The following PLPPR5 variants were observed in gnomAD, a reference collection of about 807,000 sequenced individuals.
PLPPR5 encodes phospholipid phosphatase related 5.
PLPPR5 carries 16 observed loss-of-function variants against 33.9 expected under a neutral mutation model. The ratio of observed to expected loss-of-function variants is 0.47; its 90% CI spans 0.32 to 0.72. PLPPR5 has a LOEUF of 0.72. PLPPR5 is among the 30% of genes least tolerant of loss of function. PLPPR5 has a pLI of 0.03. For synonymous variants in PLPPR5, 163 were observed against 150.3 expected (o/e 1.08, Z -0.62); for missense variants, 301 against 406.7 (o/e 0.74, Z 2.23).
At chr1:98,961,584 A>G (rs923997324) in intron 1 of PLPPR5, among the ~76,000 whole-genome samples, 3 of 152,222 alleles carry the variant, frequency 2.0e-5, no homozygotes, top group African/African-American at 7.2e-5. Context: ...AATTGTATGC[A>G]GTTTATATTT....
chr1:98,920,759 T>A (rs1453449260), intron 4 of PLPPR5, among the ~76,000 whole-genome samples: 32 of 152,094 alleles, frequency 2.1e-4, no homozygotes. Context: ...TATTAACTAG[T>A]AAAATGAGGC....
At chr1:98,929,061 G>T (rs1308382611) in intron 3 of PLPPR5, among the ~76,000 whole-genome samples, 1 of 152,086 alleles carries the variant, frequency 6.6e-6, no homozygotes, top group Non-Finnish European at 1.5e-5. Flanking sequence ...AAGCTTTGAG[G>T]AAAAGTTCAG....
intron 1 of PLPPR5, among the ~76,000 whole-genome samples, chr1:98,968,702 C>T (rs1651540092): frequency 1.3e-5 from 2 of 151,826 alleles, no homozygotes; most frequent in Admixed American, 1.3e-4. Context: ...ATATATAAAT[C>T]TACTATGTAC....
chr1:98,921,919 G>A lies in PLPPR5; in HGVS notation c.761C>T (p.Ala254Val), dbSNP rs1451615292. 1 of 1,613,532 alleles carries A rather than the reference G, an allele frequency of 6.2e-7. No individual in the cohort carries two copies. Among genetic ancestry groups the A allele is most frequent in the Non-Finnish European group, 8.5e-7 (1 of 1,179,870 alleles). Residue 254 changes from alanine (A) to valine (V), a missense_variant, in exon 4 of 6, where the codon GCA becomes GTA. Transcript: ENST00000263177. ...EYRNHWSDVI[A>V]GFLVGISIAV... is the part of the protein sequence containing the mutation. The stretch of plus-strand genomic sequence containing the variant: ...TATAGATATTCCAACCAGAAAGCCT[G>A]CTATAACATCTGACCAATGATTTCG...
intron 3 of PLPPR5, among the ~76,000 whole-genome samples, chr1:98,935,500 C>T (rs558156769): frequency 2.0e-5 from 3 of 152,180 alleles, no homozygotes; most frequent in Non-Finnish European, 4.4e-5. Flanking sequence ...ATGATATCAA[C>T]ACCATAGAGC....
In PLPPR5 at chr1:98,893,068, G is replaced by T. The variant is rs377149949; in HGVS notation, c.*4C>A. On this transcript the variant is annotated 3_prime_UTR_variant, in exon 6 of 6. Transcript: ENST00000263177. ...AATGCAGTGAAAAACCATCTGCTTC[G>T]ATATCATGTGACTTCTGCGAAGGCA... is the stretch of plus-strand genomic sequence containing the variant. The T allele has an allele frequency of 6.2e-7, 1 of 1,610,718 alleles. No homozygotes were observed. The highest frequency in any genetic ancestry group is 1.3e-5 in the African/African-American group (1 of 74,684).
intron 1 of PLPPR5, chr1:98,991,138 A>T (rs2100760646): frequency 6.6e-6 from 1 of 152,286 alleles, no homozygotes; most frequent in South Asian, 2.1e-4. Context: ...AAACCCAATT[A>T]GATGAAGTTT....
chr1:98,947,569 T>G (rs540157417), intron 3 of PLPPR5, among the ~76,000 whole-genome samples: 10 of 152,302 alleles, frequency 6.6e-5, no homozygotes, highest in African/African-American at 2.2e-4. Context: ...TAAGATACAA[T>G]GGGAAAGTAT....
At chr1:99,002,689 C>T (rs78551540) in intron 1 of PLPPR5, among the ~76,000 whole-genome samples, 6 of 152,192 alleles carry the variant, frequency 3.9e-5, no homozygotes, top group African/African-American at 1.4e-4. Flanking sequence ...AGTGTGCTCT[C>T]GTCTCTAACT....
chr1:98,891,668 A>T lies in PLPPR5; in HGVS notation c.*1404T>A, dbSNP rs956386380. The T allele has an allele frequency of 2.6e-5, 4 of 152,068 alleles. No homozygotes were observed. Among genetic ancestry groups the T allele is most frequent in the African/African-American group, 9.7e-5 (4 of 41,424 alleles). The allele number at this position is 152,068 out of a possible 1,614,324, so 9.4% of individuals were successfully genotyped here. On this transcript the variant is annotated 3_prime_UTR_variant, in exon 6 of 6. Transcript: ENST00000263177. Reference sequence around the variant, plus strand: ...AAAAAGCCTCACATCTAGACTCTTGATATTATCTTAAAACTGGATTATAAT... The same window carrying T: ...AAAAAGCCTCACATCTAGACTCTTGTTATTATCTTAAAACTGGATTATAAT...
chr1:98,963,735 C>T (rs1651331088), intron 1 of PLPPR5, among the ~76,000 whole-genome samples: 1 of 152,170 alleles, frequency 6.6e-6, no homozygotes, highest in African/African-American at 2.4e-5. Flanking sequence ...AGCATCTCTA[C>T]AGTTTCAAAA....
rs779469717 is a variant in PLPPR5, at chr1:99,004,675, CG to C, written c.-5del. On this transcript the variant is annotated 5_prime_UTR_variant, in exon 1 of 6. Coordinates refer to ENST00000263177, the MANE Select transcript of PLPPR5 (RefSeq NM_001037317.2). The stretch of plus-strand genomic sequence containing the variant: ...GCGCCGCGGGCAGCAGGGGCATGCA[CG>C]CCTCCCGGGCCGGGCCGAGCCGAGC... The C allele has an allele frequency of 2.5e-6, 4 of 1,597,472 alleles. No homozygotes were observed. Among genetic ancestry groups the C allele is most frequent in the Admixed American group, 3.4e-5 (2 of 58,316 alleles).
chr1:98,942,113 C>G (rs980403158), intron 3 of PLPPR5, among the ~76,000 whole-genome samples: 53 of 146,954 alleles, frequency 3.6e-4, no homozygotes, highest in African/African-American at 1.0e-3. Context: ...GCTCTGTCGC[C>G]CAGGCTGGAG....
At chr1:98,959,756 G>A (rs2101225365) in intron 1 of PLPPR5, among the ~76,000 whole-genome samples, 1 of 152,264 alleles carries the variant, frequency 6.6e-6, no homozygotes, top group South Asian at 2.1e-4. Context: ...AAATTCCCAG[G>A]AGGTTTAGGT....
At chr1:98,942,816 C>T (rs116587042) in intron 3 of PLPPR5, among the ~76,000 whole-genome samples, 6,390 of 152,280 alleles carry the variant, frequency 0.042, 181 homozygotes, top group Non-Finnish European at 0.067. Flanking sequence ...ACCTCATTCA[C>T]TGAGGCATCA....
At chr1:98,899,706 T>C (rs1347855927) in intron 5 of PLPPR5, among the ~76,000 whole-genome samples, 2 of 147,662 alleles carry the variant, frequency 1.4e-5, no homozygotes, top group Non-Finnish European at 3.0e-5. Flanking sequence ...TCGCCCAGGC[T>C]GTAGTGCGGT....
intron 3 of PLPPR5, 40 bp downstream of exon 3, chr1:98,953,030 T>C (rs1650847067): frequency 6.2e-7 from 1 of 1,605,620 alleles, no homozygotes; most frequent in South Asian, 1.1e-5. Flanking sequence ...AAATTAACAA[T>C]AATACAGACT....
At chr1:98,911,669 G>A (rs1421675140) in intron 5 of PLPPR5, among the ~76,000 whole-genome samples, 1 of 152,034 alleles carries the variant, frequency 6.6e-6, no homozygotes, top group East Asian at 1.9e-4. Context: ...AATTTCAGAG[G>A]TATACAAAAT....
rs138547873 is a variant in PLPPR5 at position 98,923,668 on chromosome 1, G to A, written c.622-1610C>T. Among the ~76,000 whole-genome samples, 402 of 152,276 alleles carry A rather than the reference G, an allele frequency of 2.6e-3. 1 individual carries two copies. The highest frequency in any genetic ancestry group is 9.4e-3 in the African/African-American group (390 of 41,546). ...TCCCAGGTCTCAATACTCTGGGGCA[G>A]GGGGAGCTGAACTGTCTCCATCTTG... On this transcript the variant is annotated intron_variant, in intron 3 of 5. Coordinates refer to ENST00000263177, the MANE Select transcript of PLPPR5 (RefSeq NM_001037317.2).
Sources: allele counts gnomAD v4.1 joint callset (sites outside exome capture counted in the v4.1 genomes callset), GRCh38; gene constraint gnomAD v4.1.1; transcripts MANE v1.5; gene names NCBI Gene and HGNC (gene_info 2026-07-23, HGNC 2026-07-21).